KCNT1: variants seen among roughly 807,000 people sequenced by gnomAD.
KCNT1 encodes potassium sodium-activated channel subfamily T member 1.
A neutral mutation model predicts 147.8 loss-of-function variants in KCNT1; 78 were observed. That is an observed-to-expected ratio of 0.53 (90% CI 0.44 to 0.64). The LOEUF is 0.64. Among genes scored for constraint, KCNT1 ranks in the 30% least tolerant of loss-of-function variants. The pLI is 0.00. For synonymous variants in KCNT1, 867 were observed against 748.8 expected (o/e 1.16, Z -2.58); for missense variants, 1,419 against 1,750.3 (o/e 0.81, Z 3.38).
rs1476953077 is a variant in KCNT1, at chr9:135,752,925, G to GCA, written c.435-1012_435-1011insCA. Among the ~76,000 whole-genome samples the GCA allele has an allele frequency of 1.3e-5, 2 of 151,038 alleles. No homozygotes were observed. The highest frequency in any genetic ancestry group is 1.3e-4 in the Admixed American group (2 of 15,164). ...AGGGATGAGTGGATGGATGATGGAT[G>GCA]GATGGATGGACAGATAAGTAGATGG... On this transcript the variant is annotated intron_variant, in intron 4 of 30. Transcript: ENST00000371757. This position sits in a 1 kb window ranked among gnomAD's most constrained non-coding sequence, Gnocchi z 5.1.
intron 2 of KCNT1, among the ~76,000 whole-genome samples, chr9:135,723,825 G>A (rs753957312): frequency 1.3e-5 from 2 of 152,144 alleles, no homozygotes; most frequent in Non-Finnish European, 2.9e-5. Context: ...CCTGGTGTCC[G>A]GCTGCCCCCA....
intron 1 of KCNT1, among the ~76,000 whole-genome samples, chr9:135,708,796 C>T (rs1165855511): frequency 1.3e-5 from 2 of 152,316 alleles, no homozygotes; most frequent in Non-Finnish European, 2.9e-5. Flanking sequence ...CTGCCTACCT[C>T]GGGCTCCCAG....
At chr9:135,775,875 T>TC (rs1833133505) in intron 20 of KCNT1, among the ~76,000 whole-genome samples, 1 of 152,192 alleles carries the variant, frequency 6.6e-6, no homozygotes, top group African/African-American at 2.4e-5. Flanking sequence ...CGGGAGCCTG[T>TC]CCCGGCTGCG....
intron 11 of KCNT1, among the ~76,000 whole-genome samples, chr9:135,761,877 C>T (rs1035909727): frequency 3.3e-5 from 5 of 152,188 alleles, no homozygotes; most frequent in Admixed American, 6.5e-5. Flanking sequence ...CTTCGGGCTG[C>T]GTCCGGCTCC....
At chr9:135,769,045 G>C (rs1832534694) in intron 15 of KCNT1, 108 bp downstream of exon 15, 2 of 860,582 alleles carry the variant, frequency 2.3e-6, no homozygotes, top group Admixed American at 4.5e-5. Context: ...GTGTGACGGT[G>C]CGTCTGGGGC....
intron 2 of KCNT1, among the ~76,000 whole-genome samples, chr9:135,715,565 C>CCCAGCCCTGGGCTCCGTCACCAG (rs1224658371): frequency 1.3e-5 from 2 of 152,154 alleles, no homozygotes; most frequent in African/African-American, 4.8e-5. Flanking sequence ...TCCGTCACCA[C>CCCAGCCCTGGGCTCCGTCACCAG]CCAGCCCTGG....
chr9:135,787,823 G>A (rs1335290431), intron 29 of KCNT1, among the ~76,000 whole-genome samples: 1 of 152,212 alleles, frequency 6.6e-6, no homozygotes, highest in Non-Finnish European at 1.5e-5. Context: ...GGGGTGCCCA[G>A]CATTCATGTT....
chr9:135,750,249 G>T (rs1831074390), intron 3 of KCNT1, 72 bp downstream of exon 3: 1 of 1,237,470 alleles, frequency 8.1e-7, no homozygotes, highest in South Asian at 1.2e-5. Context: ...GCCTGGCGAT[G>T]GCGAAGGCTG....
chr9:135,763,978 G>A (rs1269603452), intron 11 of KCNT1, among the ~76,000 whole-genome samples: 3 of 152,148 alleles, frequency 2.0e-5, no homozygotes, highest in Non-Finnish European at 4.4e-5. Flanking sequence ...TGTTCCGGTC[G>A]CCCTGGAGTC....
intron 1 of KCNT1, among the ~76,000 whole-genome samples, chr9:135,705,340 G>A (rs942273521): frequency 3.3e-5 from 5 of 152,250 alleles, no homozygotes; most frequent in East Asian, 1.9e-4. Context: ...CAACAGGAAA[G>A]TTTGTCCAAG....
intron 9 of KCNT1, among the ~76,000 whole-genome samples, chr9:135,758,078 C>T (rs554368836): frequency 1.1e-4 from 16 of 152,186 alleles, no homozygotes; most frequent in East Asian, 5.8e-4. Context: ...TCAGCGGAGA[C>T]GCAGGTGTGG....
chr9:135,720,101 C>T (rs552822880), intron 2 of KCNT1, among the ~76,000 whole-genome samples: 1 of 152,038 alleles, frequency 6.6e-6, no homozygotes, highest in Non-Finnish European at 1.5e-5. Flanking sequence ...TGTGGATGGG[C>T]CAGGCAGGGC....
chr9:135,761,563 G>T (rs1479869484), intron 11 of KCNT1, among the ~76,000 whole-genome samples: 1 of 152,212 alleles, frequency 6.6e-6, no homozygotes, highest in Non-Finnish European at 1.5e-5. Context: ...TGCAAATGAG[G>T]ACTCATCCTG....
At position 135,786,429 on chromosome 9, in the gene KCNT1, G is replaced by A. The variant is rs568818508; in HGVS notation, c.3410G>A (p.Arg1137His). 37 of 1,592,540 alleles carry A rather than the reference G, an allele frequency of 2.3e-5. No individual in the cohort carries two copies. The East Asian group carries it at 4.8e-4, about 21-fold the overall frequency. ...AAAAEWISQQ[R>H]LSLYRRSERQ... ...GCCGCGGAGTGGATCAGCCAGCAGC[G>A]CCTCAGCCTGTACCGGCGCTCTGAG... The change falls in exon 29 of 31, where the codon CGC becomes CAC. Residue 1137 changes from arginine (R) to histidine (H), a missense_variant. Physicochemically the swap from Arg to His is conservative, Grantham distance 29. This residue lies in a region of KCNT1 where 306 missense variants were observed against 294.2 expected (regional missense o/e 1.04). Transcript: ENST00000371757.
At chr9:135,759,080 C>T (rs149614829) in intron 10 of KCNT1, among the ~76,000 whole-genome samples, 111 of 152,348 alleles carry the variant, frequency 7.3e-4, no homozygotes, top group African/African-American at 2.5e-3. Context: ...TCCCTTCCCC[C>T]CTGCCCCTCA....
chr9:135,737,814 C>G (rs10745370), intron 2 of KCNT1, among the ~76,000 whole-genome samples: 62,032 of 152,128 alleles, frequency 0.41, 12,897 homozygotes, highest in East Asian at 0.62. Flanking sequence ...TAGCTCTTCA[C>G]AGCAGCCCTG....
At chr9:135,726,600 C>A (rs998197443) in intron 2 of KCNT1, among the ~76,000 whole-genome samples, 1 of 152,028 alleles carries the variant, frequency 6.6e-6, no homozygotes, top group Non-Finnish European at 1.5e-5. Flanking sequence ...TCAGACTCTG[C>A]CAAGGCCTCG....
At chr9:135,764,165 G>A (rs58914372) in intron 11 of KCNT1, among the ~76,000 whole-genome samples, 3,392 of 152,214 alleles carry the variant, frequency 0.022, 111 homozygotes, top group African/African-American at 0.075. Flanking sequence ...CATTTAACAC[G>A]TGTTCAACAA....
chr9:135,749,234 C>T (rs2131405104), intron 2 of KCNT1, among the ~76,000 whole-genome samples: 1 of 152,344 alleles, frequency 6.6e-6, no homozygotes, highest in South Asian at 2.1e-4. Flanking sequence ...CACCCCCAGG[C>T]TCCATCCTAC....
Sources: gnomAD v4.1 joint callset for allele counts (sites outside exome capture counted in the v4.1 genomes callset) on GRCh38, gnomAD v4.1.1 for gene constraint, gnomAD v4.1.1 regional missense constraint, Gnocchi (gnomAD v3.1) non-coding constraint, MANE v1.5 for transcripts, NCBI Gene and HGNC (gene_info 2026-07-23, HGNC 2026-07-21) for gene names.